The following TTLL5 variants were observed in gnomAD, a reference collection of about 807,000 sequenced individuals.
TTLL5 encodes tubulin polyglutamylase TTLL5.
In TTLL5, 132 loss-of-function variants were observed where a neutral mutation model predicts 168.4. The observed-to-expected ratio is 0.78, with a 90% CI of 0.68 to 0.91. TTLL5 has a LOEUF of 0.91. TTLL5 is among the 40% of genes least tolerant of loss of function. The probability of loss-of-function intolerance (pLI) is 0.00; values close to 1 mark genes in which losing one functional copy is unlikely to be tolerated. For missense variants in TTLL5, 1,545 were observed against 1,581.5 expected (o/e 0.98, Z 0.39); for synonymous variants, 546 against 558.6 (o/e 0.98, Z 0.32).
At chr14:75,901,166 A>G (rs901670857) in intron 30 of TTLL5, among the ~76,000 whole-genome samples, 5 of 152,230 alleles carry the variant, frequency 3.3e-5, no homozygotes, top group Non-Finnish European at 5.9e-5. Flanking sequence ...TATTACAAAT[A>G]TTTCAAAAAA....
chr14:75,774,747 G>A (rs1485832334), intron 21 of TTLL5, among the ~76,000 whole-genome samples: 1 of 151,864 alleles, frequency 6.6e-6, no homozygotes, highest in East Asian at 1.9e-4. Flanking sequence ...GGAGTGCCGT[G>A]GCATGATCTT....
chr14:75,863,877 G>GTCT lies in TTLL5; in HGVS notation c.3522+17_3522+19dup. 1.2e-6 allele frequency: 1 copy of GTCT among 842,100 alleles called. No homozygotes were observed. Among genetic ancestry groups the GTCT allele is most frequent in the African/African-American group, 2.0e-5 (1 of 50,166 alleles). The allele number at this position is 842,100 out of a possible 1,614,324, so 52.2% of individuals were successfully genotyped here. On this transcript the variant is annotated intron_variant, in intron 29 of 31. Coordinates refer to ENST00000298832, the MANE Select transcript of TTLL5 (RefSeq NM_015072.5). ...CCCGGCACCAGGTAATTCAAGATAA[G>GTCT]TCTTTTCCATGTGTTATATCTTCCT...
At chr14:75,829,922 C>G (rs568184359) in intron 28 of TTLL5, among the ~76,000 whole-genome samples, 2 of 152,058 alleles carry the variant, frequency 1.3e-5, no homozygotes, top group Non-Finnish European at 1.5e-5. Flanking sequence ...TTTTTTAGTT[C>G]ATATAAAAGC....
At chr14:75,922,128 T>G (rs1299734128) in intron 31 of TTLL5, among the ~76,000 whole-genome samples, 1 of 151,944 alleles carries the variant, frequency 6.6e-6, no homozygotes, top group Non-Finnish European at 1.5e-5. Context: ...TTAAGGAGAT[T>G]TTGGGCTGAG....
intron 19 of TTLL5, among the ~76,000 whole-genome samples, chr14:75,765,819 G>A (rs1291012336): frequency 6.6e-6 from 1 of 152,128 alleles, no homozygotes; most frequent in South Asian, 2.1e-4. Context: ...CCGAGATCCT[G>A]CCACTGCCCT....
chr14:75,685,212 G>C (rs1161341532), intron 5 of TTLL5, among the ~76,000 whole-genome samples: 1 of 151,478 alleles, frequency 6.6e-6, no homozygotes, highest in Non-Finnish European at 1.5e-5. Flanking sequence ...GCAAAACCCC[G>C]GCTCTAAAAA....
chr14:75,720,591 T>G lies in TTLL5; in HGVS notation c.935-5T>G, dbSNP rs747036831. 2 of 1,611,526 alleles carry G rather than the reference T, an allele frequency of 1.2e-6. No homozygotes were observed. Among genetic ancestry groups the G allele is most frequent in the Non-Finnish European group, 1.7e-6 (2 of 1,178,368 alleles). On this transcript the variant is annotated splice_region_variant and splice_polypyrimidine_tract_variant and intron_variant, in intron 11 of 31. Transcript: ENST00000298832. ...AGTCTGAAATTTAAAAATTTTTGTT[T>G]GCAGCATTGATGGCCCATGTAGAAG...
At chr14:75,853,747 A>G (rs1029532405) in intron 28 of TTLL5, among the ~76,000 whole-genome samples, 1 of 152,206 alleles carries the variant, frequency 6.6e-6, no homozygotes, top group Non-Finnish European at 1.5e-5. Context: ...TGTAAACTAA[A>G]AAATCATCTA....
intron 11 of TTLL5, 145 bp from the exon 12 acceptor site, chr14:75,720,451 C>A (rs1887769439): frequency 1.6e-6 from 1 of 643,414 alleles, no homozygotes; most frequent in Admixed American, 2.6e-5. Context: ...ATGCCTGCCT[C>A]TATAGCACCC....
chr14:75,874,363 A>T (rs576372940), intron 29 of TTLL5, among the ~76,000 whole-genome samples: 1 of 152,188 alleles, frequency 6.6e-6, no homozygotes, highest in Non-Finnish European at 1.5e-5. Context: ...AAGTGCTGGG[A>T]TTACAAGTGT....
chr14:75,934,078 A>G (rs1298130882), intron 31 of TTLL5, among the ~76,000 whole-genome samples: 1 of 152,240 alleles, frequency 6.6e-6, no homozygotes, highest in Non-Finnish European at 1.5e-5. Context: ...GGCTTATCCC[A>G]TAGTGGCTGG....
chr14:75,913,731 A>T (rs1187787724), intron 31 of TTLL5, among the ~76,000 whole-genome samples: 3 of 151,928 alleles, frequency 2.0e-5, no homozygotes, highest in African/African-American at 7.3e-5. Context: ...TCCTATTCTT[A>T]GGCCAAGCTC....
At chr14:75,755,730 C>G (rs1032723235) in intron 18 of TTLL5, among the ~76,000 whole-genome samples, 1 of 152,146 alleles carries the variant, frequency 6.6e-6, no homozygotes, top group African/African-American at 2.4e-5. Flanking sequence ...GTCCTAGTAT[C>G]TTCCAATAAA....
intron 19 of TTLL5, among the ~76,000 whole-genome samples, chr14:75,765,601 G>A (rs897818813): frequency 2.0e-5 from 3 of 152,144 alleles, no homozygotes; most frequent in African/African-American, 7.2e-5. Context: ...GGTGCCTCAT[G>A]CCTGTAATCC....
chr14:75,913,394 A>C (rs2033467986), intron 31 of TTLL5, among the ~76,000 whole-genome samples: 1 of 152,174 alleles, frequency 6.6e-6, no homozygotes, highest in East Asian at 1.9e-4. Context: ...GAACTCTGTA[A>C]TTACCTCTAT....
Position 75,892,495 on chromosome 14 carries a change from C to T in TTLL5, c.3740+9593C>T, listed in dbSNP as rs545042912. On this transcript the variant is annotated intron_variant, in intron 30 of 31. Coordinates refer to ENST00000298832, the MANE Select transcript of TTLL5 (RefSeq NM_015072.5). ...ATTGATTTTCAACCTGGGACAGTTT[C>T]CCCCCCAGGAGACATTTGGCAATAT... 1.3e-3 allele frequency among the ~76,000 whole-genome samples: 191 copies of T among 152,210 alleles called. 1 individual carries two copies. The highest frequency in any genetic ancestry group is 4.4e-3 in the African/African-American group (184 of 41,532).
chr14:75,675,253 A>G (rs1884051245), intron 3 of TTLL5, among the ~76,000 whole-genome samples: 1 of 152,244 alleles, frequency 6.6e-6, no homozygotes, highest in Non-Finnish European at 1.5e-5. Flanking sequence ...ACTAGGGCAC[A>G]GCTACACTAT....
chr14:75,729,180 A>G (rs1039826843), intron 12 of TTLL5, among the ~76,000 whole-genome samples: 5 of 152,192 alleles, frequency 3.3e-5, no homozygotes, highest in Admixed American at 6.5e-5. Flanking sequence ...AAGGCATGCA[A>G]TAGTCCTTTG....
intron 12 of TTLL5, among the ~76,000 whole-genome samples, chr14:75,729,520 A>G (rs1047222318): frequency 4.6e-5 from 7 of 151,200 alleles, no homozygotes; most frequent in African/African-American, 1.7e-4. Context: ...AGCTGAATTG[A>G]TTGTGTTCAA....
Sources: allele counts gnomAD v4.1 joint callset (sites outside exome capture counted in the v4.1 genomes callset), GRCh38; gene constraint gnomAD v4.1.1; transcripts MANE v1.5; gene names NCBI Gene and HGNC (gene_info 2026-07-23, HGNC 2026-07-21).